Variants in PCDHGA1 observed in about 807,000 individuals in gnomAD.
PCDHGA1 encodes the protein protocadherin gamma-A1.
Under a neutral mutation model 58.0 loss-of-function variants are expected in PCDHGA1, and 32 were observed. The ratio of observed to expected loss-of-function variants is 0.55; its 90% CI spans 0.42 to 0.74. PCDHGA1 has a LOEUF of 0.74. Among genes scored for constraint, PCDHGA1 ranks in the 30% least tolerant of loss-of-function variants. PCDHGA1 has a pLI of 0.00. For missense variants in PCDHGA1, 1,205 were observed against 1,182.3 expected (o/e 1.02, Z -0.28); for synonymous variants, 498 against 501.1 (o/e 0.99, Z 0.08).
Position 141,491,987 on chromosome 5 carries a change from T to A in PCDHGA1, c.2422-2820T>A. The A allele has an allele frequency of 1.4e-6, 1 of 736,922 alleles. No individual in the cohort carries two copies. The highest frequency in any genetic ancestry group is 2.0e-6 in the Non-Finnish European group (1 of 490,378). The allele number at this position is 736,922 out of a possible 1,614,324, so 45.6% of individuals were successfully genotyped here. On this transcript the variant is annotated intron_variant, in intron 1 of 3. Coordinates refer to ENST00000517417, the MANE Select transcript of PCDHGA1 (RefSeq NM_018912.3). The surrounding 1 kb of genome is among the most constrained non-coding windows in gnomAD (Gnocchi z 6.9). ...GCCGGGGCCTCCTTCGAGCTTCCGG[T>A]GAATTTCGGGCGATTTCCGCGGGTG...
intron 1 of PCDHGA1, chr5:141,371,188 T>A (rs1206989931): frequency 6.2e-7 from 1 of 1,614,030 alleles, no homozygotes; most frequent in South Asian, 1.1e-5. Flanking sequence ...TTAAAAGTGA[T>A]GGCCATTGAC....
intron 1 of PCDHGA1, chr5:141,355,819 G>T (rs757822946): frequency 1.9e-6 from 3 of 1,613,058 alleles, no homozygotes; most frequent in Non-Finnish European, 2.5e-6. Context: ...GGAAGAGGCG[G>T]TTCACCACCT....
chr5:141,366,064 G>C (rs761173450), intron 1 of PCDHGA1: 2 of 1,614,106 alleles, frequency 1.2e-6, no homozygotes, highest in Non-Finnish European at 1.7e-6. Flanking sequence ...TGGAGCTGGC[G>C]CCTCGCTCCG....
chr5:141,366,264 C>T, intron 1 of PCDHGA1: 1 of 1,613,686 alleles, frequency 6.2e-7, no homozygotes, highest in East Asian at 2.2e-5. Flanking sequence ...CTCGTGGTGG[C>T]CGTCGAAGAC....
At position 141,351,478 on chromosome 5, in the gene PCDHGA1, A is replaced by G. The variant is rs199832341; in HGVS notation, c.2421+18373A>G. 3.9e-5 allele frequency: 63 copies of G among 1,613,924 alleles called. No individual in the cohort carries two copies. In the Middle Eastern group the frequency reaches 5.0e-4, roughly 13 times the overall value. On this transcript the variant is annotated intron_variant, in intron 1 of 3. Coordinates refer to ENST00000517417, the MANE Select transcript of PCDHGA1 (RefSeq NM_018912.3). Reference sequence around the variant, plus strand: ...ACAAGCTGGTGATTGCTGGAGCCCTAAACCGGGAGCAGACAGCAGACTACA... The same window carrying G: ...ACAAGCTGGTGATTGCTGGAGCCCTGAACCGGGAGCAGACAGCAGACTACA...
intron 1 of PCDHGA1, chr5:141,399,366 G>A (rs1390489498): frequency 3.7e-6 from 6 of 1,613,850 alleles, no homozygotes; most frequent in Middle Eastern, 3.3e-4. Flanking sequence ...AAACCCCGGA[G>A]TACAATGTCA....
chr5:141,467,015 T>C (rs1423064392), intron 1 of PCDHGA1, among the ~76,000 whole-genome samples: 1 of 152,072 alleles, frequency 6.6e-6, no homozygotes. Flanking sequence ...GCAATTTTTT[T>C]CCCTTTGTTT....
chr5:141,419,274 C>T lies in PCDHGA1; in HGVS notation c.2422-75533C>T, dbSNP rs755798236. 17 of 1,613,900 alleles carry T rather than the reference C, an allele frequency of 1.1e-5. No homozygotes were observed. Among genetic ancestry groups the T allele is most frequent in the African/African-American group, 1.3e-5 (1 of 74,948 alleles). ...AACAACCAGCCGGGTGCCTCCATAG[C>T]GCAAGTCAGTGCCTCTGACCCAGAC... is the stretch of plus-strand genomic sequence containing the variant. On this transcript the variant is annotated intron_variant, in intron 1 of 3. Transcript: ENST00000517417.
intron 1 of PCDHGA1, chr5:141,361,229 T>C: frequency 6.2e-7 from 1 of 1,613,992 alleles, no homozygotes. Flanking sequence ...CCAGGAACAG[T>C]GATCGCCTTG....
intron 2 of PCDHGA1, among the ~76,000 whole-genome samples, chr5:141,498,451 T>C (rs1426888821): frequency 6.6e-6 from 1 of 152,126 alleles, no homozygotes; most frequent in Non-Finnish European, 1.5e-5. Context: ...AGGTTCCTTT[T>C]ATCCAGTCTA....
At chr5:141,335,671 A>C (rs1029002532) in intron 1 of PCDHGA1, among the ~76,000 whole-genome samples, 8 of 152,340 alleles carry the variant, frequency 5.3e-5, no homozygotes, top group Admixed American at 5.2e-4. Flanking sequence ...CAAATATGGA[A>C]TAGTCATCCT....
intron 1 of PCDHGA1, chr5:141,391,745 C>T (rs1371260062): frequency 6.6e-6 from 1 of 152,116 alleles, no homozygotes; most frequent in African/African-American, 2.4e-5. Flanking sequence ...CATACTTATC[C>T]TTTGGCTTCT....
At chr5:141,394,198 T>C in intron 1 of PCDHGA1, 1 of 1,613,874 alleles carries the variant, frequency 6.2e-7, no homozygotes, top group East Asian at 2.2e-5. Context: ...GCGTATATCC[T>C]AGAGAACAAC....
intron 1 of PCDHGA1, chr5:141,366,750 A>G: frequency 1.9e-6 from 3 of 1,607,760 alleles, no homozygotes; most frequent in Non-Finnish European, 2.6e-6. Flanking sequence ...CGGCGAGTTC[A>G]GGTTAGTTTT....
chr5:141,439,455 C>T (rs62379163), intron 1 of PCDHGA1, among the ~76,000 whole-genome samples: 5,115 of 152,308 alleles, frequency 0.034, 100 homozygotes, highest in Middle Eastern at 0.088. Context: ...GGGAGCAAGA[C>T]TGCACTGCTG....
intron 1 of PCDHGA1, chr5:141,366,074 G>T (rs1167288837): frequency 2.5e-6 from 4 of 1,614,100 alleles, no homozygotes; most frequent in African/African-American, 1.3e-5. Flanking sequence ...GCCTCGCTCC[G>T]CAGAACCTGG....
At position 141,379,889 on chromosome 5, in the gene PCDHGA1, C is replaced by CTTTTTTTTTTTTTTT. The variant is rs70988800; in HGVS notation, c.2421+46800_2421+46814dup. On this transcript the variant is annotated intron_variant, in intron 1 of 3. Coordinates refer to ENST00000517417, the MANE Select transcript of PCDHGA1 (RefSeq NM_018912.3). ...CTTATTTTATGGTCTGTGAAAGCCT[C>CTTTTTTTTTTTTTTT]TTTTTTTTTTTTTTTTTTTTTTTTT... Among the ~76,000 whole-genome samples, 120 of 50,828 alleles carry CTTTTTTTTTTTTTTT rather than the reference C, an allele frequency of 2.4e-3. 21 individuals carry two copies. The highest frequency in any genetic ancestry group is 3.0e-3 in the Non-Finnish European group (77 of 25,882). 33.3% of individuals were successfully genotyped at this position (50,828 alleles called of 152,430 possible).
chr5:141,458,018 A>G (rs1361716104), intron 1 of PCDHGA1, among the ~76,000 whole-genome samples: 1 of 152,188 alleles, frequency 6.6e-6, no homozygotes, highest in Admixed American at 6.5e-5. Flanking sequence ...GGTTTTTCCA[A>G]TTGTGTTCTG....
intron 1 of PCDHGA1, chr5:141,393,751 C>A (rs1159377259): frequency 6.2e-7 from 1 of 1,613,846 alleles, no homozygotes; most frequent in Non-Finnish European, 8.5e-7. Flanking sequence ...GAAGAATGTT[C>A]ATTTTATGAA....
Sources: allele counts gnomAD v4.1 joint callset (sites outside exome capture counted in the v4.1 genomes callset), GRCh38; gene constraint gnomAD v4.1.1; non-coding constraint Gnocchi (gnomAD v3.1); transcripts MANE v1.5; gene names NCBI Gene and HGNC (gene_info 2026-07-23, HGNC 2026-07-21).